Variants in TBX15 observed in about 807,000 individuals in gnomAD.
TBX15 encodes the protein T-box transcription factor 15.
Under a neutral mutation model 53.9 loss-of-function variants are expected in TBX15, and 18 were observed. The ratio of observed to expected loss-of-function variants is 0.33; its 90% CI spans 0.23 to 0.49. The LOEUF (loss-of-function observed/expected upper bound fraction) is 0.49. TBX15 is among the 20% of genes least tolerant of loss of function. The probability of loss-of-function intolerance (pLI) is 0.98; values close to 1 mark genes in which losing one functional copy is unlikely to be tolerated. For missense variants in TBX15, 692 were observed against 749.5 expected, an observed-to-expected ratio of 0.92 and a Z score of 0.90; for synonymous variants, 295 against 278.0, an observed-to-expected ratio of 1.06 and a Z score of -0.61.
At chr1:118,896,627 A>C (rs1268640376) in intron 7 of TBX15, among the ~76,000 whole-genome samples, 2 of 152,194 alleles carry the variant, frequency 1.3e-5, no homozygotes, top group Admixed American at 6.5e-5. Context: ...AAACACTGCC[A>C]ATACTCACCT....
At chr1:118,939,704 T>C (rs1048746051) in intron 1 of TBX15, among the ~76,000 whole-genome samples, 3 of 151,680 alleles carry the variant, frequency 2.0e-5, no homozygotes, top group Non-Finnish European at 4.4e-5. Context: ...AAAGTTAAAA[T>C]TGTTTAAAGT....
intron 1 of TBX15, among the ~76,000 whole-genome samples, chr1:118,950,265 T>C (rs1291761908): frequency 1.3e-5 from 2 of 152,244 alleles, no homozygotes; most frequent in Non-Finnish European, 2.9e-5. Flanking sequence ...ACTTCTCTGC[T>C]GCTTTGAGGC....
chr1:118,900,578 ACT>A (rs35124786), intron 6 of TBX15, among the ~76,000 whole-genome samples: 14,183 of 152,064 alleles, frequency 0.093, 853 homozygotes, highest in East Asian at 0.16. Context: ...GGCAAACCAA[ACT>A]CTGTATTTTA....
intron 7 of TBX15, among the ~76,000 whole-genome samples, chr1:118,896,106 G>A (rs375000710): frequency 4.9e-4 from 75 of 152,046 alleles, no homozygotes; most frequent in African/African-American, 1.4e-3. Flanking sequence ...TTAGCTCCTC[G>A]GCTATCATTA....
intron 1 of TBX15, among the ~76,000 whole-genome samples, chr1:118,936,881 A>G (rs1655989082): frequency 6.6e-6 from 1 of 152,220 alleles, no homozygotes; most frequent in South Asian, 2.1e-4. Flanking sequence ...GTCACCAAAT[A>G]TTTCTGCTTT....
intron 5 of TBX15, among the ~76,000 whole-genome samples, chr1:118,916,938 G>C (rs925525603): frequency 1.3e-5 from 2 of 152,118 alleles, no homozygotes; most frequent in African/African-American, 2.4e-5. Flanking sequence ...TGGCAAGGCT[G>C]TGAAGAAATA....
At position 118,940,288 on chromosome 1, in the gene TBX15, T is replaced by C. The variant is rs958279146; in HGVS notation, c.206-8456A>G. On this transcript the variant is annotated intron_variant, in intron 1 of 7. Transcript: ENST00000369429. The stretch of plus-strand genomic sequence containing the variant: ...AGCTCTCTTCATCAACTTAACATTA[T>C]TTAGTAAGTAAGTACAACTATAAAA... Among the ~76,000 whole-genome samples, 7 of 151,980 alleles carry C rather than the reference T, an allele frequency of 4.6e-5. 1 individual carries two copies. Among genetic ancestry groups the C allele is most frequent in the African/African-American group, 1.7e-4 (7 of 41,224 alleles).
At chr1:118,946,067 T>A (rs1234500440) in intron 1 of TBX15, among the ~76,000 whole-genome samples, 4 of 152,126 alleles carry the variant, frequency 2.6e-5, no homozygotes, top group African/African-American at 4.8e-5. Context: ...CAATAAAGTA[T>A]ACAATATATA....
intron 1 of TBX15, among the ~76,000 whole-genome samples, chr1:118,963,763 C>T (rs1285465782): frequency 6.6e-6 from 1 of 152,210 alleles, no homozygotes; most frequent in Non-Finnish European, 1.5e-5. Context: ...TACCGTTGTA[C>T]AGTCTCCTCC....
At chr1:118,902,428 T>C (rs1654662837) in intron 6 of TBX15, among the ~76,000 whole-genome samples, 1 of 152,172 alleles carries the variant, frequency 6.6e-6, no homozygotes, top group Admixed American at 6.5e-5. Flanking sequence ...ACAGTGCTGG[T>C]TACAGGATAA....
intron 7 of TBX15, chr1:118,890,903 C>A: frequency 1.5e-6 from 2 of 1,304,052 alleles, no homozygotes; most frequent in South Asian, 1.2e-5. Context: ...TCGTATAATT[C>A]AATGGCATCT....
intron 1 of TBX15, among the ~76,000 whole-genome samples, chr1:118,940,053 C>T (rs986576117): frequency 6.6e-6 from 1 of 151,936 alleles, no homozygotes; most frequent in African/African-American, 2.4e-5. Flanking sequence ...TCATTATACT[C>T]TGTTGCCCAT....
intron 5 of TBX15, among the ~76,000 whole-genome samples, chr1:118,917,944 T>C (rs1655302172): frequency 6.6e-6 from 1 of 152,212 alleles, no homozygotes; most frequent in Admixed American, 6.5e-5. Flanking sequence ...CAGGACAGAC[T>C]GAGCAACTCA....
chr1:118,972,058 A>G (rs904533211), intron 1 of TBX15, among the ~76,000 whole-genome samples: 1 of 152,220 alleles, frequency 6.6e-6, no homozygotes, highest in Non-Finnish European at 1.5e-5. Flanking sequence ...TCTTGGCTAC[A>G]CCTTTGAGAG....
chr1:118,954,053 T>C (rs1013292933), intron 1 of TBX15, among the ~76,000 whole-genome samples: 3 of 152,202 alleles, frequency 2.0e-5, no homozygotes, highest in African/African-American at 7.2e-5. Context: ...ACATGGACAC[T>C]TGGAAGAGCA....
intron 6 of TBX15, among the ~76,000 whole-genome samples, chr1:118,907,525 G>A (rs1654880342): frequency 2.0e-5 from 3 of 152,226 alleles, no homozygotes; most frequent in Admixed American, 2.0e-4. Flanking sequence ...CACATCAGAT[G>A]TGGGATGAAA....
At chr1:118,983,814 C>A (rs991029093) in intron 1 of TBX15, among the ~76,000 whole-genome samples, 1 of 152,120 alleles carries the variant, frequency 6.6e-6, no homozygotes, top group African/African-American at 2.4e-5. Context: ...CCTGTCCCTG[C>A]GGTCTGAGCT....
intron 2 of TBX15, among the ~76,000 whole-genome samples, chr1:118,928,217 A>G (rs1361799986): frequency 2.6e-5 from 4 of 152,232 alleles, no homozygotes; most frequent in African/African-American, 9.6e-5. Context: ...AAGCACAAGA[A>G]GGATCACAGT....
chr1:118,915,436 G>C (rs1655185690), intron 5 of TBX15, among the ~76,000 whole-genome samples: 1 of 152,190 alleles, frequency 6.6e-6, no homozygotes, highest in Non-Finnish European at 1.5e-5. Flanking sequence ...ACTCTGACTT[G>C]AAAGAGTCTT....
Sources: gnomAD v4.1 joint callset for allele counts (sites outside exome capture counted in the v4.1 genomes callset) on GRCh38, gnomAD v4.1.1 for gene constraint, MANE v1.5 for transcripts, NCBI Gene and HGNC (gene_info 2026-07-23, HGNC 2026-07-21) for gene names.